DHRS3: variants seen among roughly 807,000 people sequenced by gnomAD.
The protein encoded by DHRS3 is dehydrogenase/reductase 3, also known as short-chain dehydrogenase/reductase 3.
Under a neutral mutation model 27.2 loss-of-function variants are expected in DHRS3, and 14 were observed. That is an observed-to-expected ratio of 0.52 (90% CI 0.34 to 0.81). The LOEUF (loss-of-function observed/expected upper bound fraction) is 0.81. Ranked by LOEUF, DHRS3 falls within the 30% of genes least tolerant of loss-of-function variation. The probability of loss-of-function intolerance (pLI) is 0.01; values close to 1 mark genes in which losing one functional copy is unlikely to be tolerated. For missense variants in DHRS3, 322 were observed against 406.2 expected, an observed-to-expected ratio of 0.79 and a Z score of 1.78; for synonymous variants, 165 against 175.9, an observed-to-expected ratio of 0.94 and a Z score of 0.49.
chr1:12,603,625 G>C (rs1646850331), intron 1 of DHRS3, among the ~76,000 whole-genome samples: 2 of 152,164 alleles, frequency 1.3e-5, no homozygotes, highest in African/African-American at 4.8e-5. Flanking sequence ...GGGCTTGGAG[G>C]CTGGTAGAAG....
chr1:12,615,923 C>G (rs1302761974), intron 1 of DHRS3, among the ~76,000 whole-genome samples: 1 of 152,198 alleles, frequency 6.6e-6, no homozygotes, highest in African/African-American at 2.4e-5. Flanking sequence ...CCTGGACAGC[C>G]AGACCCCTGC....
In DHRS3 at chr1:12,592,257, C is replaced by G. The variant is rs1342575073; in HGVS notation, c.196-11591G>C. Among the ~76,000 whole-genome samples the G allele has an allele frequency of 6.6e-6, 1 of 152,178 alleles. No homozygotes were observed. The highest frequency in any genetic ancestry group is 2.4e-5 in the African/African-American group (1 of 41,432). ...TGTGGTACAGTCGGCTGATTAGTGT[C>G]CCCTGAGAAGCTGAGTCCAAGTCCT... is the stretch of plus-strand genomic sequence containing the variant. On this transcript the variant is annotated intron_variant, in intron 1 of 5. Transcript: ENST00000616661. This position sits in a 1 kb window ranked among gnomAD's most constrained non-coding sequence, Gnocchi z 4.2.
rs559375500 is a variant in DHRS3, at chr1:12,574,463, C to T, written c.699-1610G>A. ...ATTACTGGTGTGAACCCAGCTACCA[C>T]GCCTGGCCATGATGGTGATTCTGAG... On this transcript the variant is annotated intron_variant, in intron 4 of 5. Transcript: ENST00000616661. This position sits in a 1 kb window ranked among gnomAD's most constrained non-coding sequence, Gnocchi z 4.6. Among the ~76,000 whole-genome samples the T allele has an allele frequency of 1.6e-3, 240 of 152,334 alleles. 2 individuals are homozygous for T. Among genetic ancestry groups the T allele is most frequent in the African/African-American group, 5.7e-3 (235 of 41,576 alleles).
chr1:12,587,003 C>A (rs190269502), intron 1 of DHRS3, among the ~76,000 whole-genome samples: 1 of 152,046 alleles, frequency 6.6e-6, no homozygotes, highest in South Asian at 2.1e-4. Flanking sequence ...TCTGATACAC[C>A]CTCTTCACTG....
rs1191707118 is a variant in DHRS3 at position 12,582,839 on chromosome 1, CTCCA to C, written c.196-2177_196-2174del. Among the ~76,000 whole-genome samples, 349 of 143,302 alleles carry C rather than the reference CTCCA, an allele frequency of 2.4e-3. 5 individuals carry two copies. The highest frequency in any genetic ancestry group is 0.01 in the South Asian group (44 of 4,372). The allele number at this position is 143,302 out of a possible 152,430, so 94.0% of individuals were successfully genotyped here. A position where few individuals can be genotyped will look rare whatever the true frequency, so the allele number is the denominator to read the frequency against. On this transcript the variant is annotated intron_variant, in intron 1 of 5. Transcript: ENST00000616661. Reference sequence around the variant, plus strand: ...ATCCATCCCTCCCTCGTCTACCCAACTCCATCCATCCATCCATCCATCCATCCAT... The same window carrying C: ...ATCCATCCCTCCCTCGTCTACCCAACTCCATCCATCCATCCATCCATCCAT...
intron 1 of DHRS3, among the ~76,000 whole-genome samples, chr1:12,610,226 G>A (rs1371432234): frequency 2.7e-5 from 4 of 150,418 alleles, no homozygotes; most frequent in Non-Finnish European, 4.4e-5. Context: ...TTATAAGTGC[G>A]CTCTACCATG....
At chr1:12,569,231 T>TCTCACTCACACA (rs1557509331) in intron 5 of DHRS3, among the ~76,000 whole-genome samples, 1 of 110,480 alleles carries the variant, frequency 9.1e-6, no homozygotes, top group African/African-American at 2.8e-5. Context: ...TCTCTCTCTC[T>TCTCACTCACACA]CACACACACA....
At chr1:12,573,430 C>G (rs534657952) in intron 4 of DHRS3, among the ~76,000 whole-genome samples, 13 of 152,382 alleles carry the variant, frequency 8.5e-5, no homozygotes, top group African/African-American at 2.9e-4. Flanking sequence ...TGTCAGTGGC[C>G]TGTCTCCGCC....
At chr1:12,602,808 T>A (rs1346079232) in intron 1 of DHRS3, among the ~76,000 whole-genome samples, 1 of 152,246 alleles carries the variant, frequency 6.6e-6, no homozygotes, top group Non-Finnish European at 1.5e-5. Context: ...ATCTACAGCA[T>A]TAGGCACTGG....
At chr1:12,604,599 C>A (rs773837387) in intron 1 of DHRS3, among the ~76,000 whole-genome samples, 21 of 152,228 alleles carry the variant, frequency 1.4e-4, no homozygotes, top group Non-Finnish European at 2.8e-4. Flanking sequence ...AACAGCTTGT[C>A]TCTTGACCTC....
At chr1:12,581,434 A>C (rs1419167143) in intron 1 of DHRS3, among the ~76,000 whole-genome samples, 1 of 152,132 alleles carries the variant, frequency 6.6e-6, no homozygotes, top group Non-Finnish European at 1.5e-5. Context: ...GGTTCACAGG[A>C]GCTAAGCCGA....
intron 1 of DHRS3, among the ~76,000 whole-genome samples, chr1:12,599,569 T>C (rs765416125): frequency 1.3e-5 from 2 of 152,230 alleles, no homozygotes; most frequent in African/African-American, 2.4e-5. Context: ...CCAGGCTCTA[T>C]GAGGTATGGC....
chr1:12,614,309 C>T (rs765917836), intron 1 of DHRS3, among the ~76,000 whole-genome samples: 18 of 152,120 alleles, frequency 1.2e-4, no homozygotes, highest in Non-Finnish European at 2.5e-4. Context: ...GAAGTTAGTT[C>T]CCTTGGAGGG....
chr1:12,599,997 C>G lies in DHRS3; in HGVS notation c.195+17157G>C, dbSNP rs1646824279. Reference sequence around the variant, plus strand: ...TTAACAACAAAGACTGGTTGGAAGCCCCCGTCTGTGCTTGCAGCTGCCTTC... The same window carrying G: ...TTAACAACAAAGACTGGTTGGAAGCGCCCGTCTGTGCTTGCAGCTGCCTTC... On this transcript the variant is annotated intron_variant, in intron 1 of 5. Coordinates refer to ENST00000616661, the MANE Select transcript of DHRS3 (RefSeq NM_004753.7). Among the ~76,000 whole-genome samples, 3 of 152,228 alleles carry G rather than the reference C, an allele frequency of 2.0e-5. No homozygotes were observed. In the South Asian group the frequency reaches 6.2e-4, roughly 32 times the overall value.
rs1355527828 is a variant in DHRS3 at position 12,576,221 on chromosome 1, T to C, written c.698+2497A>G. 3.3e-5 allele frequency among the ~76,000 whole-genome samples: 5 copies of C among 152,134 alleles called. No homozygotes were observed. In the East Asian group the frequency reaches 9.7e-4, roughly 29 times the overall value. Reference sequence around the variant, plus strand: ...AGGTGAAATAGACACACAAACTCGATGTCTGCAATGTCCTGCTTGCTTCTG... The same window carrying C: ...AGGTGAAATAGACACACAAACTCGACGTCTGCAATGTCCTGCTTGCTTCTG... On this transcript the variant is annotated intron_variant, in intron 4 of 5. Coordinates refer to ENST00000616661, the MANE Select transcript of DHRS3 (RefSeq NM_004753.7).
Position 12,603,936 on chromosome 1 carries a change from C to T in DHRS3, c.195+13218G>A, listed in dbSNP as rs1263882867. Among the ~76,000 whole-genome samples the T allele has an allele frequency of 3.3e-5, 5 of 152,186 alleles. No individual in the cohort carries two copies. The East Asian group carries it at 7.7e-4, about 23-fold the overall frequency. On this transcript the variant is annotated intron_variant, in intron 1 of 5. Transcript: ENST00000616661. ...ACCAGGGCGTTCCCTGCCTCTCACA[C>T]GAGCTCTCGCCCTGAGCCTGCATCT...
chr1:12,571,897 G>T (rs1646541600), intron 5 of DHRS3, among the ~76,000 whole-genome samples: 1 of 152,036 alleles, frequency 6.6e-6, no homozygotes, highest in South Asian at 2.1e-4. Context: ...CTCAGTGAAT[G>T]GTAGAATTTT....
intron 3 of DHRS3, 92 bp from the exon 4 acceptor site, chr1:12,579,048 C>A: frequency 7.6e-7 from 1 of 1,315,830 alleles, no homozygotes; most frequent in South Asian, 1.3e-5. Context: ...CCCGGACACA[C>A]ATGATGCTCT....
chr1:12,617,788 TAAAAAAAAAAA>T lies in DHRS3; in HGVS notation c.-451_-441del, dbSNP rs891272993. ...GTCCCGCGGTTTCAAAGTGCAAGAT[TAAAAAAAAAAA>T]AAAAAAAAAAAAAAAAGCTGATTCC... On this transcript the variant is annotated 5_prime_UTR_variant, in exon 1 of 6. Coordinates refer to ENST00000616661, the MANE Select transcript of DHRS3 (RefSeq NM_004753.7). 1 of 3,070 alleles carries T rather than the reference TAAAAAAAAAAA, an allele frequency of 3.3e-4. No individual in the cohort carries two copies. Among genetic ancestry groups the T allele is most frequent in the Admixed American group, 8.9e-3 (1 of 112 alleles). The allele number at this position is 3,070 out of a possible 1,614,324, so 0.2% of individuals were successfully genotyped here.
Sources: gnomAD v4.1 joint callset for allele counts (sites outside exome capture counted in the v4.1 genomes callset) on GRCh38, gnomAD v4.1.1 for gene constraint, Gnocchi (gnomAD v3.1) non-coding constraint, MANE v1.5 for transcripts, NCBI Gene and HGNC (gene_info 2026-07-23, HGNC 2026-07-21) for gene names.